Variants in PTPRD observed in about 807,000 individuals in gnomAD.
PTPRD encodes the protein protein tyrosine phosphatase receptor type D, also known as receptor-type tyrosine-protein phosphatase delta.
PTPRD carries 34 observed loss-of-function variants against 214.5 expected under a neutral mutation model. That is an observed-to-expected ratio of 0.16 (90% CI 0.12 to 0.21). The LOEUF (loss-of-function observed/expected upper bound fraction) is 0.21. Among genes scored for constraint, PTPRD ranks in the 10% least tolerant of loss-of-function variants. The pLI, the probability that PTPRD is intolerant of heterozygous loss-of-function variation, is 1.00. For missense variants in PTPRD, 2,545 were observed against 2,398.7 expected (o/e 1.06, Z -1.27); for synonymous variants, 1,128 against 845.7 (o/e 1.33, Z -5.79).
intron 2 of PTPRD, among the ~76,000 whole-genome samples, chr9:10,587,488 A>C (rs2074234349): frequency 6.6e-6 from 1 of 152,098 alleles, no homozygotes; most frequent in Admixed American, 6.6e-5. Flanking sequence ...AATAATAAGT[A>C]AGGAGAGTTG....
intron 12 of PTPRD, among the ~76,000 whole-genome samples, chr9:8,704,492 A>C (rs2098158146): frequency 6.6e-6 from 1 of 152,192 alleles, no homozygotes. Flanking sequence ...GTCCTAGCTC[A>C]TTACGTAGAG....
chr9:10,525,629 T>C (rs2054012402), intron 2 of PTPRD, among the ~76,000 whole-genome samples: 1 of 151,964 alleles, frequency 6.6e-6, no homozygotes, highest in Non-Finnish European at 1.5e-5. Context: ...TTAGAAATCA[T>C]AAAATTAAAT....
In PTPRD at chr9:10,422,779, G is replaced by A. The variant is rs527732877; in HGVS notation, c.-599-81762C>T. Among the ~76,000 whole-genome samples the A allele has an allele frequency of 2.0e-5, 3 of 152,150 alleles. No individual in the cohort carries two copies. In the South Asian group the frequency reaches 6.2e-4, roughly 32 times the overall value. On this transcript the variant is annotated intron_variant, in intron 2 of 45. Coordinates refer to ENST00000381196, the MANE Select transcript of PTPRD (RefSeq NM_002839.4). ...GATACTATCTCACACAAGTTAGAAT[G>A]GCGATCATTAAAAAGTCAGGAAACA... is the stretch of plus-strand genomic sequence containing the variant.
intron 2 of PTPRD, among the ~76,000 whole-genome samples, chr9:10,491,542 C>A (rs2040241719): frequency 6.6e-6 from 1 of 151,380 alleles, no homozygotes; most frequent in Admixed American, 6.6e-5. Context: ...ACAAAAAAAA[C>A]CCATTGAAAT....
chr9:9,790,447 C>T (rs1468653378), intron 5 of PTPRD, among the ~76,000 whole-genome samples: 1 of 152,164 alleles, frequency 6.6e-6, no homozygotes, highest in African/African-American at 2.4e-5. Context: ...GGCTTTGCTG[C>T]CCACTGCAGG....
intron 4 of PTPRD, among the ~76,000 whole-genome samples, chr9:9,989,068 C>T (rs1328272642): frequency 6.9e-6 from 1 of 144,006 alleles, no homozygotes; most frequent in Non-Finnish European, 1.5e-5. Flanking sequence ...CACAGTTGCA[C>T]CCAAAGAGTT....
At chr9:9,720,172 T>C (rs2097911412) in intron 7 of PTPRD, among the ~76,000 whole-genome samples, 1 of 152,180 alleles carries the variant, frequency 6.6e-6, no homozygotes, top group South Asian at 2.1e-4. Context: ...CAACATCTTA[T>C]AATCGTTTAC....
At chr9:9,087,888 T>TTA (rs1184388662) in intron 10 of PTPRD, among the ~76,000 whole-genome samples, 16 of 133,774 alleles carry the variant, frequency 1.2e-4, no homozygotes, top group African/African-American at 4.2e-4. Context: ...CTTTTTTTTT[T>TTA]TTTTTTTTTT....
intron 8 of PTPRD, among the ~76,000 whole-genome samples, chr9:9,497,771 G>C (rs1211424963): frequency 6.6e-6 from 1 of 152,010 alleles, no homozygotes; most frequent in African/African-American, 2.4e-5. Flanking sequence ...ATATATTTAA[G>C]ATATAATATC....
chr9:10,178,399 T>C (rs1344437387), intron 3 of PTPRD, among the ~76,000 whole-genome samples: 1 of 151,828 alleles, frequency 6.6e-6, no homozygotes, highest in Non-Finnish European at 1.5e-5. Flanking sequence ...CTGAGGGATA[T>C]GAGCACTTCA....
intron 44 of PTPRD, among the ~76,000 whole-genome samples, chr9:8,322,066 A>G (rs1478031198): frequency 6.6e-6 from 1 of 152,136 alleles, no homozygotes; most frequent in Non-Finnish European, 1.5e-5. Context: ...TTGGGGTGCC[A>G]TGAACCATGA....
intron 7 of PTPRD, among the ~76,000 whole-genome samples, chr9:9,703,964 A>C (rs1231797332): frequency 6.6e-6 from 1 of 152,188 alleles, no homozygotes; most frequent in Non-Finnish European, 1.5e-5. Context: ...CACTCACTGC[A>C]GCCCTGATCT....
At chr9:9,512,937 C>A (rs1265495803) in intron 8 of PTPRD, among the ~76,000 whole-genome samples, 2 of 150,960 alleles carry the variant, frequency 1.3e-5, no homozygotes, top group South Asian at 2.1e-4. Flanking sequence ...GATTTTCATG[C>A]ATTCTTTCAA....
chr9:8,878,190 T>C (rs1000625610), intron 11 of PTPRD, among the ~76,000 whole-genome samples: 2 of 152,210 alleles, frequency 1.3e-5, no homozygotes, highest in Non-Finnish European at 2.9e-5. Context: ...TGTGTCTTAG[T>C]GTTCCCAGGA....
Position 8,340,254 on chromosome 9 carries a change from G to C in PTPRD, c.5253+89C>G, listed in dbSNP as rs951792763. On this transcript the variant is annotated intron_variant, in intron 42 of 45. Transcript: ENST00000381196. ...GAGTGCACTGCATTTCAAAAAAAAT[G>C]ATCTAGCACAAGAGTTATTGAAACA... is the stretch of plus-strand genomic sequence containing the variant. The C allele has an allele frequency of 7.2e-5, 101 of 1,401,900 alleles. No individual in the cohort carries two copies. In the Admixed American group the frequency reaches 2.0e-3, roughly 28 times the overall value. 86.8% of individuals were successfully genotyped at this position (1,401,900 alleles called of 1,614,324 possible).
At position 8,676,394 on chromosome 9, in the gene PTPRD, T is replaced by G. The variant is rs1244679278; in HGVS notation, c.65-39550A>C. Among the ~76,000 whole-genome samples the G allele has an allele frequency of 4.0e-5, 6 of 150,792 alleles. No individual in the cohort carries two copies. The East Asian group carries it at 7.8e-4, about 20-fold the overall frequency. The stretch of plus-strand genomic sequence containing the variant: ...CTCATTTTCATTTTTTTTTTTTTTT[T>G]TTTTTTTAGATGGAGTTTTGCTGTG... On this transcript the variant is annotated intron_variant, in intron 12 of 45. Coordinates refer to ENST00000381196, the MANE Select transcript of PTPRD (RefSeq NM_002839.4).
intron 9 of PTPRD, among the ~76,000 whole-genome samples, chr9:9,358,177 G>T (rs953103227): frequency 6.6e-6 from 1 of 151,152 alleles, no homozygotes; most frequent in African/African-American, 2.4e-5. Context: ...CTGTTCAAAG[G>T]TACTTGTAAC....
intron 5 of PTPRD, among the ~76,000 whole-genome samples, chr9:9,815,184 G>C (rs986231037): frequency 4.6e-5 from 7 of 152,072 alleles, no homozygotes; most frequent in Non-Finnish European, 7.4e-5. Context: ...TCAGAATAGA[G>C]AGCCCATACT....
At chr9:10,030,906 T>G (rs534789528) in intron 4 of PTPRD, among the ~76,000 whole-genome samples, 1 of 152,340 alleles carries the variant, frequency 6.6e-6, no homozygotes, top group South Asian at 2.1e-4. Context: ...CATTGTGTTC[T>G]GGGAAAGTAG....
Sources: gnomAD v4.1 joint callset for allele counts (sites outside exome capture counted in the v4.1 genomes callset) on GRCh38, gnomAD v4.1.1 for gene constraint, MANE v1.5 for transcripts, NCBI Gene and HGNC (gene_info 2026-07-23, HGNC 2026-07-21) for gene names.